Variants in NOM1 observed in about 807,000 individuals in gnomAD.
The protein encoded by NOM1 is nucleolar MIF4G domain-containing protein 1.
A neutral mutation model predicts 73.3 loss-of-function variants in NOM1; 58 were observed. The observed-to-expected ratio is 0.79, with a 90% CI of 0.64 to 0.99. The LOEUF (loss-of-function observed/expected upper bound fraction) is 0.99, where lower values mean the gene tolerates loss of function less well. NOM1 is among the 50% of genes least tolerant of loss of function. The pLI is 0.00. For synonymous variants in NOM1, 487 were observed against 446.8 expected, an observed-to-expected ratio of 1.09 and a Z score of -1.14; for missense variants, 1,226 against 1,131.9, an observed-to-expected ratio of 1.08 and a Z score of -1.19.
Position 156,962,970 on chromosome 7 carries a change from A to C in NOM1, c.1744-38A>C, listed in dbSNP as rs552120489. ...GTGATGGAAGGACGGAATATGAACC[A>C]ATTAAAAGCATTTCATTAGCTCTTC... On this transcript the variant is annotated intron_variant, in intron 5 of 10. Coordinates refer to ENST00000275820, the MANE Select transcript of NOM1 (RefSeq NM_138400.2). The C allele has an allele frequency of 1.8e-5, 28 of 1,592,432 alleles. 1 individual carries two copies. In the South Asian group the frequency reaches 3.1e-4, roughly 18 times the overall value.
At chr7:156,952,931 C>T (rs938991558) in intron 2 of NOM1, among the ~76,000 whole-genome samples, 12 of 152,254 alleles carry the variant, frequency 7.9e-5, no homozygotes, top group African/African-American at 2.9e-4. Context: ...TGCAGAAACA[C>T]ATTCACCTGG....
At position 156,963,193 on chromosome 7, in the gene NOM1, C is replaced by T. The variant is rs1012415413; in HGVS notation, c.1911+18C>T. On this transcript the variant is annotated intron_variant, in intron 6 of 10. Coordinates refer to ENST00000275820, the MANE Select transcript of NOM1 (RefSeq NM_138400.2). ...TGGGGACGGTAGGGACACCCATGCT[C>T]AAGGCTGCCAGGCAGAGGCACCCCC... 2 of 1,613,726 alleles carry T rather than the reference C, an allele frequency of 1.2e-6. No homozygotes were observed. The highest frequency in any genetic ancestry group is 2.2e-5 in the South Asian group (2 of 91,046).
chr7:156,966,809 A>T, intron 8 of NOM1, 152 bp from the exon 9 acceptor site: 1 of 806,956 alleles, frequency 1.2e-6, no homozygotes. Context: ...TATGCTCTAT[A>T]GGCAAGAACA....
intron 3 of NOM1, among the ~76,000 whole-genome samples, chr7:156,955,288 T>C (rs1328879806): frequency 2.6e-5 from 4 of 152,206 alleles, no homozygotes; most frequent in African/African-American, 7.2e-5. Flanking sequence ...AGGAAAGTCA[T>C]AACACTCCCA....
chr7:156,966,479 C>T (rs1805001693), intron 8 of NOM1, 77 bp downstream of exon 8: 8 of 1,545,730 alleles, frequency 5.2e-6, no homozygotes, highest in Non-Finnish European at 6.2e-6. Context: ...AACCCACCTG[C>T]AAAGGAGTTC....
Position 156,950,255 on chromosome 7 carries a change from G to A in NOM1, c.518G>A (p.Arg173Gln). 1 of 1,613,614 alleles carries A rather than the reference G, an allele frequency of 6.2e-7. No individual in the cohort carries two copies. The highest frequency in any genetic ancestry group is 8.5e-7 in the Non-Finnish European group (1 of 1,179,702). Residue 173 changes from arginine to glutamine, a missense_variant, in exon 1 of 11, where the codon CGG becomes CAG. Physicochemically the swap from Arg to Gln is conservative, Grantham distance 43. Transcript: ENST00000275820. ...GCCGCCACCGCCGCTGCCCGGAAAC[G>A]GGCGCTTTTAGCGGCGAACGAGGAG... is the stretch of plus-strand genomic sequence containing the variant. Reference protein sequence around the residue: ...SAAATAAARKRALLAANEEED... With the variant: ...SAAATAAARKQALLAANEEED...
In NOM1 at chr7:156,950,612, G is replaced by C; in HGVS notation, c.875G>C (p.Gly292Ala). Reference sequence around the variant, plus strand: ...GACGAGGATACAGAAGAGGAACAGGGGGAAGAAAAGGAAAAGGGAGCGCAG... The same window carrying C: ...GACGAGGATACAGAAGAGGAACAGGCGGAAGAAAAGGAAAAGGGAGCGCAG... ...DDDEDTEEEQ[G>A]EEKEKGAQEK... The change falls in exon 1 of 11, where the codon GGG becomes GCG. Residue 292 changes from glycine to alanine, a missense_variant. Coordinates refer to ENST00000275820, the MANE Select transcript of NOM1 (RefSeq NM_138400.2). 1 of 1,568,470 alleles carries C rather than the reference G, an allele frequency of 6.4e-7. No homozygotes were observed. The highest frequency in any genetic ancestry group is 8.6e-7 in the Non-Finnish European group (1 of 1,156,216).
chr7:156,963,285 A>T (rs1392190224), intron 6 of NOM1, 110 bp downstream of exon 6: 1 of 1,129,654 alleles, frequency 8.9e-7, no homozygotes, highest in Admixed American at 1.9e-5. Context: ...GGTCACTGAA[A>T]TGTACAAGGT....
At chr7:156,968,940 T>A (rs1167146374) in intron 9 of NOM1, 147 bp from the exon 10 acceptor site, 1 of 606,642 alleles carries the variant, frequency 1.6e-6, no homozygotes, top group African/African-American at 1.9e-5. Context: ...AGGTGTTCAT[T>A]TCTTAGCTCT....
Position 156,970,628 on chromosome 7 carries a change from T to C in NOM1, c.*925T>C, listed in dbSNP as rs192211075. 1.3e-5 allele frequency: 2 copies of C among 152,282 alleles called. No homozygotes were observed. The highest frequency in any genetic ancestry group is 2.9e-5 in the Non-Finnish European group (2 of 68,032). 9.4% of individuals were successfully genotyped at this position (152,282 alleles called of 1,614,324 possible). A position where few individuals can be genotyped will look rare whatever the true frequency, so the allele number is the denominator to read the frequency against. Reference sequence around the variant, plus strand: ...CATGTTGGCAAGGCTGGTCTTGAACTCCTGACCTCAGGTGATACACCCATC... The same window carrying C: ...CATGTTGGCAAGGCTGGTCTTGAACCCCTGACCTCAGGTGATACACCCATC... On this transcript the variant is annotated 3_prime_UTR_variant, in exon 11 of 11. Coordinates refer to ENST00000275820, the MANE Select transcript of NOM1 (RefSeq NM_138400.2).
intron 4 of NOM1, among the ~76,000 whole-genome samples, chr7:156,960,497 T>C (rs1431827786): frequency 6.6e-6 from 1 of 152,218 alleles, no homozygotes; most frequent in African/African-American, 2.4e-5. Context: ...AACCTGGGTC[T>C]TCTGAGCCTC....
At chr7:156,954,437 G>GT in intron 3 of NOM1, 139 bp downstream of exon 3, 1 of 624,168 alleles carries the variant, frequency 1.6e-6, no homozygotes, top group Non-Finnish European at 2.5e-6. Flanking sequence ...ATACTCTATT[G>GT]TCTATGTCAT....
chr7:156,952,069 GAC>G (rs1359750176), intron 1 of NOM1, among the ~76,000 whole-genome samples: 1 of 152,084 alleles, frequency 6.6e-6, no homozygotes, highest in Non-Finnish European at 1.5e-5. Flanking sequence ...TTGTTTTTAG[GAC>G]ACTTTCCCTC....
In NOM1 at chr7:156,972,694, G is replaced by A. The variant is rs1317514879; in HGVS notation, c.*2991G>A. The A allele has an allele frequency of 6.6e-6, 1 of 152,302 alleles. No homozygotes were observed. Among genetic ancestry groups the A allele is most frequent in the Non-Finnish European group, 1.5e-5 (1 of 68,098 alleles). 9.4% of individuals were successfully genotyped at this position (152,302 alleles called of 1,614,324 possible). On this transcript the variant is annotated 3_prime_UTR_variant, in exon 11 of 11. Coordinates refer to ENST00000275820, the MANE Select transcript of NOM1 (RefSeq NM_138400.2). ...AAAATATAAAAATTAGCTGGGCATG[G>A]TGGCAGGCACCTGTAATCCCAGCTA...
In NOM1 at chr7:156,960,054, A is replaced by C. The variant is rs1804826197; in HGVS notation, c.1512A>C (p.Leu504Phe). ...FTEKDIELIL[L>F]MLKNVGFSLR... Reference sequence around the variant, plus strand: ...AAAAAGATATTGAACTGATCTTGTTAATGCTGAAAAACGTGGGTTTTTCAT... The same window carrying C: ...AAAAAGATATTGAACTGATCTTGTTCATGCTGAAAAACGTGGGTTTTTCAT... Residue 504 changes from leucine to phenylalanine, a missense_variant, in exon 4 of 11, where the codon TTA becomes TTC. Coordinates refer to ENST00000275820, the MANE Select transcript of NOM1 (RefSeq NM_138400.2). 1.1e-5 allele frequency: 18 copies of C among 1,614,050 alleles called. No homozygotes were observed. The highest frequency in any genetic ancestry group is 1.5e-5 in the Non-Finnish European group (18 of 1,180,046).
chr7:156,969,916 GGGAGGGAA>G lies in NOM1; in HGVS notation c.*214_*221del. 1 of 424,956 alleles carries G rather than the reference GGGAGGGAA, an allele frequency of 2.4e-6. No homozygotes were observed. Among genetic ancestry groups the G allele is most frequent in the Non-Finnish European group, 4.1e-6 (1 of 243,804 alleles). The allele number at this position is 424,956 out of a possible 1,614,324, so 26.3% of individuals were successfully genotyped here. A position where few individuals can be genotyped will look rare whatever the true frequency, so the allele number is the denominator to read the frequency against. On this transcript the variant is annotated 3_prime_UTR_variant, in exon 11 of 11. Transcript: ENST00000275820. ...TATCTTGGGGGTGAGAGGAGAAGGA[GGGAGGGAA>G]AAGGGGTCAGGCACACTGGACAGGG...
chr7:156,956,309 C>A (rs1395478935), intron 3 of NOM1, among the ~76,000 whole-genome samples: 2 of 152,122 alleles, frequency 1.3e-5, no homozygotes, highest in Non-Finnish European at 2.9e-5. Context: ...ACAAAACATG[C>A]TGTAACGCGC....
chr7:156,957,502 G>A (rs773156041), intron 3 of NOM1, among the ~76,000 whole-genome samples: 1 of 152,222 alleles, frequency 6.6e-6, no homozygotes, highest in Admixed American at 6.5e-5. Flanking sequence ...ACAGCCGGGT[G>A]TGGTGGCTCA....
Position 156,970,654 on chromosome 7 carries a change from T to G in NOM1, c.*951T>G, listed in dbSNP as rs1174399914. On this transcript the variant is annotated 3_prime_UTR_variant, in exon 11 of 11. Transcript: ENST00000275820. ...CCTGACCTCAGGTGATACACCCATC[T>G]CGGCCTCCCAAAGTGCTGGGATTAC... The G allele has an allele frequency of 6.6e-6, 1 of 151,994 alleles. No individual in the cohort carries two copies. Among genetic ancestry groups the G allele is most frequent in the Non-Finnish European group, 1.5e-5 (1 of 67,994 alleles). The allele number at this position is 151,994 out of a possible 1,614,324, so 9.4% of individuals were successfully genotyped here.
Sources: gnomAD v4.1 joint callset for allele counts (sites outside exome capture counted in the v4.1 genomes callset) on GRCh38, gnomAD v4.1.1 for gene constraint, MANE v1.5 for transcripts, NCBI Gene and HGNC (gene_info 2026-07-23, HGNC 2026-07-21) for gene names.